The following ARID4B variants were observed in gnomAD, a reference collection of about 807,000 sequenced individuals.
The protein encoded by ARID4B is AT-rich interaction domain 4B.
A neutral mutation model predicts 147.5 loss-of-function variants in ARID4B; 26 were observed. That is an observed-to-expected ratio of 0.18 (90% CI 0.13 to 0.24). ARID4B has a LOEUF of 0.24. Ranked by LOEUF, ARID4B falls within the 10% of genes least tolerant of loss-of-function variation. The probability of loss-of-function intolerance (pLI) is 1.00; values close to 1 mark genes in which losing one functional copy is unlikely to be tolerated. For missense variants in ARID4B, 1,179 were observed against 1,511.5 expected (o/e 0.78, Z 3.65); for synonymous variants, 512 against 507.9 (o/e 1.01, Z -0.11).
At chr1:235,273,078 T>TA (rs1322271987) in intron 2 of ARID4B, among the ~76,000 whole-genome samples, 5 of 152,150 alleles carry the variant, frequency 3.3e-5, no homozygotes, top group African/African-American at 1.2e-4. Context: ...CAGTTATATT[T>TA]ACAGGCTAGA....
intron 8 of ARID4B, among the ~76,000 whole-genome samples, chr1:235,236,840 A>ATATATATATATATATATGTGTG (rs1185586057): frequency 3.4e-5 from 1 of 29,650 alleles, no homozygotes; most frequent in Non-Finnish European, 6.7e-5. Context: ...AAAAATATAT[A>ATATATATATATATATATGTGTG]TATATATATA....
At chr1:235,248,580 A>G (rs1490574448) in intron 6 of ARID4B, among the ~76,000 whole-genome samples, 1 of 152,118 alleles carries the variant, frequency 6.6e-6, no homozygotes, top group Non-Finnish European at 1.5e-5. Flanking sequence ...AGAAAAATAA[A>G]AGAGAGAGAG....
intron 22 of ARID4B, among the ~76,000 whole-genome samples, chr1:235,173,814 GTA>G (rs1663637516): frequency 2.7e-5 from 1 of 36,824 alleles, no homozygotes; most frequent in Non-Finnish European, 4.8e-5. Context: ...ATATATATAT[GTA>G]TACCTAAAAC....
intron 2 of ARID4B, among the ~76,000 whole-genome samples, chr1:235,290,000 C>T (rs989677656): frequency 6.6e-6 from 1 of 150,750 alleles, no homozygotes; most frequent in African/African-American, 2.4e-5. Context: ...ACTACACTCC[C>T]TCCAGCCTGG....
At chr1:235,202,910 T>G (rs1666050951) in intron 17 of ARID4B, among the ~76,000 whole-genome samples, 1 of 152,182 alleles carries the variant, frequency 6.6e-6, no homozygotes, top group African/African-American at 2.4e-5. Flanking sequence ...CGTATTCATT[T>G]GACAAACACC....
At chr1:235,301,097 G>A (rs1234165188) in intron 2 of ARID4B, among the ~76,000 whole-genome samples, 2 of 138,630 alleles carry the variant, frequency 1.4e-5, no homozygotes, top group Non-Finnish European at 3.0e-5. Context: ...TGTTTCCCAG[G>A]CTGGTTTTGA....
intron 21 of ARID4B, 36 bp from the exon 22 acceptor site, chr1:235,175,435 G>T: frequency 6.6e-7 from 1 of 1,521,506 alleles, no homozygotes. Flanking sequence ...AAACAAAAAT[G>T]TAACAATAAA....
At chr1:235,231,441 T>A (rs1668228162) in intron 9 of ARID4B, among the ~76,000 whole-genome samples, 2 of 152,218 alleles carry the variant, frequency 1.3e-5, no homozygotes, top group South Asian at 4.1e-4. Context: ...TGTTCCCAAA[T>A]ACCAGAGTCC....
intron 17 of ARID4B, among the ~76,000 whole-genome samples, chr1:235,203,608 A>G (rs1054261465): frequency 6.6e-6 from 1 of 152,184 alleles, no homozygotes; most frequent in African/African-American, 2.4e-5. Flanking sequence ...GAATAGATTC[A>G]TTTAATAATT....
At chr1:235,250,056 G>A (rs1449840234) in intron 6 of ARID4B, among the ~76,000 whole-genome samples, 3 of 151,878 alleles carry the variant, frequency 2.0e-5, no homozygotes, top group African/African-American at 4.8e-5. Context: ...GCAGTGAGCC[G>A]AGATCGCACC....
At chr1:235,209,481 C>CAACA (rs768647633) in intron 17 of ARID4B, among the ~76,000 whole-genome samples, 1 of 149,414 alleles carries the variant, frequency 6.7e-6, no homozygotes, top group Non-Finnish European at 1.5e-5. Flanking sequence ...CAAAAACAAA[C>CAACA]AACAAACAAA....
chr1:235,239,492 A>G (rs1181302583), intron 8 of ARID4B, among the ~76,000 whole-genome samples: 1 of 152,238 alleles, frequency 6.6e-6, no homozygotes, highest in Non-Finnish European at 1.5e-5. Flanking sequence ...GATTATTTGA[A>G]AAGCAGCCTA....
At chr1:235,201,350 CA>C (rs1349082902) in intron 17 of ARID4B, among the ~76,000 whole-genome samples, 1 of 149,324 alleles carries the variant, frequency 6.7e-6, no homozygotes, top group African/African-American at 2.5e-5. Context: ...TTTTCTTCTT[CA>C]TACAGAGTCT....
chr1:235,241,208 G>T (rs1668957016), intron 7 of ARID4B, among the ~76,000 whole-genome samples: 8 of 152,138 alleles, frequency 5.3e-5, no homozygotes, highest in Admixed American at 5.2e-4. Context: ...CAGCACCAAA[G>T]AAAATGCCCA....
At chr1:235,205,998 C>T (rs1264018832) in intron 17 of ARID4B, among the ~76,000 whole-genome samples, 1 of 152,108 alleles carries the variant, frequency 6.6e-6, no homozygotes, top group Non-Finnish European at 1.5e-5. Flanking sequence ...AGGTGAGAAG[C>T]AGCTCCAGTG....
At chr1:235,255,259 ATAGATATATATCTC>A (rs1461801541) in intron 5 of ARID4B, among the ~76,000 whole-genome samples, 1 of 91,554 alleles carries the variant, frequency 1.1e-5, no homozygotes, top group Admixed American at 1.3e-4. Flanking sequence ...AGATAGATAG[ATAGATATATATCTC>A]TCTCTCTCTC....
chr1:235,174,184 C>T (rs1424344020), intron 22 of ARID4B, among the ~76,000 whole-genome samples: 3 of 152,028 alleles, frequency 2.0e-5, no homozygotes, highest in East Asian at 3.9e-4. Flanking sequence ...GGACTACAAG[C>T]GCGTGCCACC....
At chr1:235,190,573 C>CA (rs1326243375) in intron 19 of ARID4B, among the ~76,000 whole-genome samples, 12 of 151,684 alleles carry the variant, frequency 7.9e-5, no homozygotes, top group African/African-American at 2.9e-4. Context: ...ATACTGGAAG[C>CA]AAAAAAACAA....
chr1:235,325,564 C>T (rs72758082), intron 2 of ARID4B, among the ~76,000 whole-genome samples: 2,003 of 152,276 alleles, frequency 0.013, 20 homozygotes, highest in Middle Eastern at 0.061. Context: ...ATTTCTTACT[C>T]AAACCAAAAC....
Sources: allele counts gnomAD v4.1 joint callset (sites outside exome capture counted in the v4.1 genomes callset), GRCh38; gene constraint gnomAD v4.1.1; transcripts MANE v1.5; gene names NCBI Gene and HGNC (gene_info 2026-07-23, HGNC 2026-07-21).